Variants in CACUL1 observed in about 807,000 individuals in gnomAD.
CACUL1 encodes the protein CDK2 associated cullin domain 1.
Under a neutral mutation model 45.2 loss-of-function variants are expected in CACUL1, and 13 were observed. That is an observed-to-expected ratio of 0.29 (90% CI 0.19 to 0.46). The LOEUF is 0.46. CACUL1 is among the 20% of genes least tolerant of loss of function. CACUL1 has a pLI of 1.00. For synonymous variants in CACUL1, 197 were observed against 174.2 expected (o/e 1.13, Z -1.03); for missense variants, 421 against 471.4 (o/e 0.89, Z 0.99).
intron 1 of CACUL1, among the ~76,000 whole-genome samples, chr10:118,752,391 G>C (rs1845907534): frequency 6.6e-6 from 1 of 152,032 alleles, no homozygotes; most frequent in South Asian, 2.1e-4. Context: ...AATGATTTCA[G>C]GGCACCAATT....
intron 5 of CACUL1, among the ~76,000 whole-genome samples, chr10:118,695,764 G>C (rs564011946): frequency 1.3e-5 from 2 of 152,294 alleles, no homozygotes; most frequent in African/African-American, 4.8e-5. Flanking sequence ...CCCTGACTCT[G>C]AACATGACAA....
Position 118,730,425 on chromosome 10 carries a change from T to C in CACUL1, c.368-15A>G. 6.3e-7 allele frequency: 1 copy of C among 1,593,878 alleles called. No homozygotes were observed. The highest frequency in any genetic ancestry group is 8.6e-7 in the Non-Finnish European group (1 of 1,168,710). On this transcript the variant is annotated splice_polypyrimidine_tract_variant and intron_variant, in intron 1 of 8. Coordinates refer to ENST00000369151, the MANE Select transcript of CACUL1 (RefSeq NM_153810.5). ...AACATTCATTACTAAAAGTAAAAAG[T>C]AAAATAAATATTACTACGTGCCACA... is the stretch of plus-strand genomic sequence containing the variant.
In CACUL1 at chr10:118,679,428, C is replaced by T. The variant is rs1402781106; in HGVS notation, c.*6700G>A. 6.6e-6 allele frequency: 1 copy of T among 151,902 alleles called. No individual in the cohort carries two copies. The highest frequency in any genetic ancestry group is 1.5e-5 in the Non-Finnish European group (1 of 68,022). The allele number at this position is 151,902 out of a possible 1,614,324, so 9.4% of individuals were successfully genotyped here. A position where few individuals can be genotyped will look rare whatever the true frequency, so the allele number is the denominator to read the frequency against. On this transcript the variant is annotated 3_prime_UTR_variant, in exon 9 of 9. Transcript: ENST00000369151. The stretch of plus-strand genomic sequence containing the variant: ...ACAGGGTTTCACCATGTTAGCCAGG[C>T]TGGTCTCGAGCTCCTGGCCTCAAGT...
intron 1 of CACUL1, among the ~76,000 whole-genome samples, chr10:118,747,204 A>G (rs1461521910): frequency 1.3e-5 from 2 of 152,224 alleles, no homozygotes; most frequent in African/African-American, 4.8e-5. Flanking sequence ...CCGATGCTCT[A>G]GAAAGGCTAA....
intron 5 of CACUL1, among the ~76,000 whole-genome samples, chr10:118,700,863 T>C (rs985518778): frequency 2.6e-5 from 4 of 152,164 alleles, no homozygotes; most frequent in African/African-American, 9.7e-5. Context: ...GACGTTTGCC[T>C]AAAATAGAGA....
At chr10:118,698,909 T>C (rs961220882) in intron 5 of CACUL1, among the ~76,000 whole-genome samples, 3 of 55,090 alleles carry the variant, frequency 5.4e-5, no homozygotes, top group Non-Finnish European at 1.4e-4. Flanking sequence ...AGAAATTGAA[T>C]GTAGTTATTT....
At chr10:118,706,052 C>A (rs181426607) in intron 4 of CACUL1, among the ~76,000 whole-genome samples, 57 of 152,294 alleles carry the variant, frequency 3.7e-4, no homozygotes, top group Non-Finnish European at 7.6e-4. Flanking sequence ...ACCTCTTAAA[C>A]CCCAGGATCC....
At chr10:118,719,524 T>G (rs1001892826) in intron 3 of CACUL1, among the ~76,000 whole-genome samples, 1 of 152,104 alleles carries the variant, frequency 6.6e-6, no homozygotes, top group Non-Finnish European at 1.5e-5. Context: ...AAAAATGGAA[T>G]TTCTTGGCCG....
chr10:118,735,114 A>G (rs1845728637), intron 1 of CACUL1, among the ~76,000 whole-genome samples: 1 of 152,262 alleles, frequency 6.6e-6, no homozygotes, highest in Non-Finnish European at 1.5e-5. Flanking sequence ...ACCCAGTAAC[A>G]TCTGTAAAGC....
At chr10:118,728,835 T>C (rs1472912892) in intron 3 of CACUL1, among the ~76,000 whole-genome samples, 1 of 152,196 alleles carries the variant, frequency 6.6e-6, no homozygotes, top group Non-Finnish European at 1.5e-5. Flanking sequence ...AGAGCTGAGA[T>C]GATGCCTATT....
At chr10:118,704,551 C>T (rs1845415605) in intron 4 of CACUL1, among the ~76,000 whole-genome samples, 1 of 152,234 alleles carries the variant, frequency 6.6e-6, no homozygotes, top group Non-Finnish European at 1.5e-5. Context: ...GAGAACTTGT[C>T]TTCCCGTTTG....
chr10:118,708,361 C>T (rs1431532824), intron 3 of CACUL1, among the ~76,000 whole-genome samples: 1 of 146,164 alleles, frequency 6.8e-6, no homozygotes, highest in African/African-American at 2.6e-5. Context: ...GATTTCTATG[C>T]TAACTTGGTT....
At position 118,682,664 on chromosome 10, in the gene CACUL1, T is replaced by C. The variant is rs1845165215; in HGVS notation, c.*3464A>G. 1 of 152,656 alleles carries C rather than the reference T, an allele frequency of 6.6e-6. No homozygotes were observed. Among genetic ancestry groups the C allele is most frequent in the Non-Finnish European group, 1.5e-5 (1 of 68,052 alleles). The allele number at this position is 152,656 out of a possible 1,614,324, so 9.5% of individuals were successfully genotyped here. On this transcript the variant is annotated 3_prime_UTR_variant, in exon 9 of 9. Coordinates refer to ENST00000369151, the MANE Select transcript of CACUL1 (RefSeq NM_153810.5). ...TTGGTCAGTACAGAATATTGCGAGG[T>C]GATGCTCATGCAAACTCTTCCTGAG...
intron 5 of CACUL1, among the ~76,000 whole-genome samples, chr10:118,695,535 A>T (rs550064954): frequency 3.3e-5 from 5 of 152,346 alleles, no homozygotes; most frequent in Admixed American, 6.5e-5. Flanking sequence ...AAGTGAGTTG[A>T]AAGTGCTTCC....
At chr10:118,746,717 T>G (rs1845846508) in intron 1 of CACUL1, among the ~76,000 whole-genome samples, 2 of 152,120 alleles carry the variant, frequency 1.3e-5, no homozygotes. Context: ...TATCCAAAAT[T>G]TATAGCGAAT....
chr10:118,719,798 C>T (rs1845583532), intron 3 of CACUL1, among the ~76,000 whole-genome samples: 1 of 150,692 alleles, frequency 6.6e-6, no homozygotes, highest in African/African-American at 2.4e-5. Context: ...GCAACAAGAG[C>T]TAAATTCCGT....
intron 1 of CACUL1, among the ~76,000 whole-genome samples, chr10:118,751,416 AAATTT>A (rs948208181): frequency 6.6e-6 from 1 of 152,072 alleles, no homozygotes; most frequent in African/African-American, 2.4e-5. Context: ...TTATGATATT[AAATTT>A]ATTTTTTCTC....
intron 3 of CACUL1, among the ~76,000 whole-genome samples, chr10:118,712,543 G>A (rs1024231705): frequency 6.6e-6 from 1 of 152,240 alleles, no homozygotes; most frequent in Non-Finnish European, 1.5e-5. Context: ...AGAAGAAAAG[G>A]TACGCAGACA....
At chr10:118,690,307 CAAAAAAAAAAAA>C (rs34414146) in intron 7 of CACUL1, among the ~76,000 whole-genome samples, 2 of 88,460 alleles carry the variant, frequency 2.3e-5, no homozygotes, top group African/African-American at 4.8e-5. Context: ...GACTCCGTCT[CAAAAAAAAAAAA>C]AAAAAAAAAA....
Sources: allele counts gnomAD v4.1 joint callset (sites outside exome capture counted in the v4.1 genomes callset), GRCh38; gene constraint gnomAD v4.1.1; transcripts MANE v1.5; gene names NCBI Gene and HGNC (gene_info 2026-07-23, HGNC 2026-07-21).